OLFM2: variants seen among roughly 807,000 people sequenced by gnomAD.
OLFM2 encodes the protein olfactomedin 2.
In OLFM2, 20 loss-of-function variants were observed where a neutral mutation model predicts 43.9. That is an observed-to-expected ratio of 0.46 (90% CI 0.32 to 0.66). OLFM2 has a LOEUF of 0.66. Among genes scored for constraint, OLFM2 ranks in the 30% least tolerant of loss-of-function variants. The probability of loss-of-function intolerance (pLI) is 0.04; values close to 1 mark genes in which losing one functional copy is unlikely to be tolerated. For synonymous variants in OLFM2, 268 were observed against 278.6 expected, an observed-to-expected ratio of 0.96 and a Z score of 0.38; for missense variants, 416 against 643.6, an observed-to-expected ratio of 0.65 and a Z score of 3.83.
Position 9,882,455 on chromosome 19 carries a change from G to A in OLFM2, c.64-21661C>T, listed in dbSNP as rs985646982. Reference sequence around the variant, plus strand: ...CGGGAGGCTGAGGCAGGAGAATGGCGTGAACCCGGGAGCTGCAGCTTGCAG... The same window carrying A: ...CGGGAGGCTGAGGCAGGAGAATGGCATGAACCCGGGAGCTGCAGCTTGCAG... On this transcript the variant is annotated intron_variant, in intron 1 of 5. Coordinates refer to ENST00000264833, the MANE Select transcript of OLFM2 (RefSeq NM_058164.4). Among the ~76,000 whole-genome samples, 9 of 151,246 alleles carry A rather than the reference G, an allele frequency of 6.0e-5. No individual in the cohort carries two copies. In the East Asian group the frequency reaches 7.9e-4, roughly 13 times the overall value.
intron 1 of OLFM2, among the ~76,000 whole-genome samples, chr19:9,862,037 A>T (rs1156685817): frequency 1.3e-5 from 2 of 151,828 alleles, no homozygotes; most frequent in Non-Finnish European, 2.9e-5. Flanking sequence ...AAAAAAAAAA[A>T]AAAAAAAGAA....
chr19:9,933,458 A>C (rs2086496360), intron 1 of OLFM2, among the ~76,000 whole-genome samples: 1 of 150,584 alleles, frequency 6.6e-6, no homozygotes, highest in South Asian at 2.1e-4. Flanking sequence ...GGCTGGTCTC[A>C]AACTCCTGAC....
chr19:9,898,617 A>G (rs1162352232), intron 1 of OLFM2, among the ~76,000 whole-genome samples: 1 of 151,592 alleles, frequency 6.6e-6, no homozygotes, highest in Non-Finnish European at 1.5e-5. Context: ...TCCTGCCTCA[A>G]CCTCCCAAAG....
intron 1 of OLFM2, among the ~76,000 whole-genome samples, chr19:9,861,719 G>T (rs2046366589): frequency 6.6e-6 from 1 of 152,206 alleles, no homozygotes. Flanking sequence ...GCTTAGAAAT[G>T]CAAATAAGTA....
intron 1 of OLFM2, among the ~76,000 whole-genome samples, chr19:9,863,084 T>G (rs1276020541): frequency 6.6e-6 from 1 of 151,722 alleles, no homozygotes; most frequent in African/African-American, 2.4e-5. Context: ...ACCTGAAGTC[T>G]TTGTTCAAGA....
rs182581410 is a variant in OLFM2 at position 9,860,166 on chromosome 19, T to C, written c.213+479A>G. On this transcript the variant is annotated intron_variant, in intron 2 of 5. Transcript: ENST00000264833. ...GTCTCAAGGAGAAAAAAAAAAAAAA[T>C]ACATTGAACAGATATTGGATAAAGT... Among the ~76,000 whole-genome samples the C allele has an allele frequency of 3.7e-3, 514 of 138,650 alleles. 3 individuals carry two copies. The highest frequency in any genetic ancestry group is 0.013 in the African/African-American group (479 of 37,052). The allele number at this position is 138,650 out of a possible 152,430, so 91.0% of individuals were successfully genotyped here.
At chr19:9,893,494 T>C (rs191334187) in intron 1 of OLFM2, among the ~76,000 whole-genome samples, 34 of 150,676 alleles carry the variant, frequency 2.3e-4, no homozygotes, top group African/African-American at 8.3e-4. Flanking sequence ...ACCTTGGGGA[T>C]GTATCTGTGT....
chr19:9,936,308 C>T lies in OLFM2; in HGVS notation c.59G>A (p.Gly20Glu), dbSNP rs2086514547. 4 of 1,528,108 alleles carry T rather than the reference C, an allele frequency of 2.6e-6. No individual in the cohort carries two copies. The highest frequency in any genetic ancestry group is 3.5e-6 in the Non-Finnish European group (4 of 1,144,006). 94.7% of individuals were successfully genotyped at this position (1,528,108 alleles called of 1,614,324 possible). ...LLLLLCSGLAGQTLFQNPEEG... is the reference protein window; with the variant it reads ...LLLLLCSGLAEQTLFQNPEEG... ...ACCTGCCCGCCGGGCCCCTACCTGT[C>T]CGGCCAGGCCTGAGCACAGCAGCAG... The change falls in exon 1 of 6, where the codon GGA becomes GAA. Residue 20 changes from glycine to glutamate, a missense_variant. By Grantham distance (98) the Gly-to-Glu change is moderately conservative. Coordinates refer to ENST00000264833, the MANE Select transcript of OLFM2 (RefSeq NM_058164.4).
intron 1 of OLFM2, among the ~76,000 whole-genome samples, chr19:9,900,696 G>A (rs376824436): frequency 2.0e-5 from 3 of 151,480 alleles, no homozygotes; most frequent in East Asian, 3.9e-4. Flanking sequence ...TTTGAGACCC[G>A]CTCGGACAAC....
At position 9,856,060 on chromosome 19, in the gene OLFM2, CATT is replaced by C. The variant is rs368996061; in HGVS notation, c.687+744_687+746del. On this transcript the variant is annotated intron_variant, in intron 5 of 5. Transcript: ENST00000264833. The surrounding 1 kb of genome is among the most constrained non-coding windows in gnomAD (Gnocchi z 4.0). ...AGGTGACCAGGCGTGTCATCAACAT[CATT>C]GTTGTCATCATGTTAACTAGCATTT... is the stretch of plus-strand genomic sequence containing the variant. Among the ~76,000 whole-genome samples, 70 of 152,292 alleles carry C rather than the reference CATT, an allele frequency of 4.6e-4. No homozygotes were observed. The East Asian group carries it at 0.01, about 22-fold the overall frequency.
intron 1 of OLFM2, among the ~76,000 whole-genome samples, chr19:9,894,080 G>T (rs1187148613): frequency 6.6e-6 from 1 of 151,972 alleles, no homozygotes; most frequent in Non-Finnish European, 1.5e-5. Context: ...ATCACTTGAG[G>T]CCAGGAGTTC....
chr19:9,889,142 A>T, intron 1 of OLFM2, among the ~76,000 whole-genome samples: 1 of 151,976 alleles, frequency 6.6e-6, no homozygotes. Flanking sequence ...GGGTGAGGAA[A>T]CTGAGGCCTG....
intron 1 of OLFM2, among the ~76,000 whole-genome samples, chr19:9,914,024 T>C (rs2046854694): frequency 7.4e-6 from 1 of 135,070 alleles, no homozygotes; most frequent in Non-Finnish European, 1.6e-5. Context: ...CCTGGTGGCA[T>C]TCCCCAAGCG....
At chr19:9,907,184 G>C (rs1031817826) in intron 1 of OLFM2, among the ~76,000 whole-genome samples, 11 of 152,144 alleles carry the variant, frequency 7.2e-5, no homozygotes, top group Admixed American at 7.2e-4. Flanking sequence ...GGCCGGGCGT[G>C]GTGGTTCACG....
chr19:9,861,801 C>T (rs2046366963), intron 1 of OLFM2, among the ~76,000 whole-genome samples: 1 of 152,146 alleles, frequency 6.6e-6, no homozygotes, highest in African/African-American at 2.4e-5. Flanking sequence ...GGTGGATCAC[C>T]TGAGGTCAGG....
At position 9,860,811 on chromosome 19, in the gene OLFM2, GT is replaced by G. The variant is rs1568367752; in HGVS notation, c.64-18del. 1 of 1,594,906 alleles carries G rather than the reference GT, an allele frequency of 6.3e-7. No individual in the cohort carries two copies. Among genetic ancestry groups the G allele is most frequent in the Non-Finnish European group, 8.5e-7 (1 of 1,173,948 alleles). On this transcript the variant is annotated intron_variant, in intron 1 of 5. Transcript: ENST00000264833. ...GAAGAGAGTCTGCAAAGAGGTGGGGGTCAGAGACCGGAATCCCAGTGAGGGT... is the reference window on the plus strand; with the variant it reads ...GAAGAGAGTCTGCAAAGAGGTGGGGGCAGAGACCGGAATCCCAGTGAGGGT...
At chr19:9,891,285 C>G (rs1405459563) in intron 1 of OLFM2, among the ~76,000 whole-genome samples, 2 of 143,984 alleles carry the variant, frequency 1.4e-5, no homozygotes, top group Non-Finnish European at 3.0e-5. Context: ...TGCACTACAG[C>G]CTGGGCAACA....
chr19:9,882,909 A>T (rs10415153), intron 1 of OLFM2, among the ~76,000 whole-genome samples: 120,263 of 149,770 alleles, frequency 0.8, 48,795 homozygotes, highest in Non-Finnish European at 0.86. Flanking sequence ...AAAAAAAATA[A>T]AAAAAAAAGC....
chr19:9,908,072 G>A (rs544321006), intron 1 of OLFM2, among the ~76,000 whole-genome samples: 2 of 151,978 alleles, frequency 1.3e-5, no homozygotes, highest in East Asian at 1.9e-4. Flanking sequence ...CCCTCCCCAC[G>A]ACATGATATG....
Sources: gnomAD v4.1 joint callset for allele counts (sites outside exome capture counted in the v4.1 genomes callset) on GRCh38, gnomAD v4.1.1 for gene constraint, Gnocchi (gnomAD v3.1) non-coding constraint, MANE v1.5 for transcripts, NCBI Gene and HGNC (gene_info 2026-07-23, HGNC 2026-07-21) for gene names.